The following SPATA13 variants were observed in gnomAD, a reference collection of about 807,000 sequenced individuals.
The protein encoded by SPATA13 is spermatogenesis associated 13, also known as spermatogenesis-associated protein 13.
Under a neutral mutation model 104.0 loss-of-function variants are expected in SPATA13, and 50 were observed. The ratio of observed to expected loss-of-function variants is 0.48; its 90% CI spans 0.38 to 0.61. SPATA13 has a LOEUF of 0.61. Among genes scored for constraint, SPATA13 ranks in the 20% least tolerant of loss-of-function variants. SPATA13 has a pLI of 0.00. For missense variants in SPATA13, 1,524 were observed against 1,690.6 expected (o/e 0.90, Z 1.73); for synonymous variants, 606 against 667.5 (o/e 0.91, Z 1.42).
chr13:24,304,795 A>G lies in SPATA13; in HGVS notation c.*2022A>G, dbSNP rs1877468438. ...CATGCCGCTCGGCACGTCCTGAGAC[A>G]GAAGTTGCTGCAGGAAGGAGCTTCT... On this transcript the variant is annotated 3_prime_UTR_variant, in exon 13 of 13. Coordinates refer to ENST00000382108, the MANE Select transcript of SPATA13 (RefSeq NM_001166271.3). 6.6e-6 allele frequency: 1 copy of G among 152,280 alleles called. No homozygotes were observed. Among genetic ancestry groups the G allele is most frequent in the Non-Finnish European group, 1.5e-5 (1 of 68,070 alleles). 9.4% of individuals were successfully genotyped at this position (152,280 alleles called of 1,614,324 possible).
intron 4 of SPATA13, chr13:24,270,666 C>T (rs41287018): frequency 0.027 from 36,509 of 1,347,668 alleles, 606 homozygotes; most frequent in Non-Finnish European, 0.031. Context: ...CTTGGTCACA[C>T]GGAGTGTGGA....
At position 24,305,199 on chromosome 13, in the gene SPATA13, A is replaced by C. The variant is rs971202808; in HGVS notation, c.*2426A>C. The C allele has an allele frequency of 6.6e-6, 1 of 152,158 alleles. No homozygotes were observed. Among genetic ancestry groups the C allele is most frequent in the Non-Finnish European group, 1.5e-5 (1 of 68,034 alleles). The allele number at this position is 152,158 out of a possible 1,614,324, so 9.4% of individuals were successfully genotyped here. A position where few individuals can be genotyped will look rare whatever the true frequency, so the allele number is the denominator to read the frequency against. ...AAGAAATGGTTTGCATTTTGTGGCC[A>C]GTCCTAATTTATTTTCCAGCTGAGC... On this transcript the variant is annotated 3_prime_UTR_variant, in exon 13 of 13. Transcript: ENST00000382108.
intron 2 of SPATA13, among the ~76,000 whole-genome samples, chr13:24,230,502 G>A (rs528566038): frequency 8.5e-5 from 13 of 152,276 alleles, no homozygotes; most frequent in South Asian, 4.1e-4. Flanking sequence ...CCAGGCTGGC[G>A]GGAAGAGTGT....
chr13:24,046,556 T>TTTTTTTTTTTTTTTTTTTTTTA (rs1312966281), intron 3 of SPATA13, among the ~76,000 whole-genome samples: 3 of 150,522 alleles, frequency 2.0e-5, no homozygotes, highest in African/African-American at 7.4e-5. Flanking sequence ...TGTACTCTTT[T>TTTTTTTTTTTTTTTTTTTTTTA]GTGTCTGGCC....
intron 1 of SPATA13, among the ~76,000 whole-genome samples, chr13:24,167,461 C>T (rs1465975711): frequency 6.6e-6 from 1 of 152,238 alleles, no homozygotes; most frequent in African/African-American, 2.4e-5. Flanking sequence ...CAACAGAGAA[C>T]ACGGGGCCCA....
At chr13:24,046,339 C>T (rs1275309510) in intron 3 of SPATA13, among the ~76,000 whole-genome samples, 1 of 149,872 alleles carries the variant, frequency 6.7e-6, no homozygotes, top group Non-Finnish European at 1.5e-5. Flanking sequence ...TGTCACCAGG[C>T]TGGAGTGCAG....
chr13:24,160,584 G>A (rs1157494180), upstream of SPATA13: 4 of 333,468 alleles, frequency 1.2e-5, no homozygotes, highest in Non-Finnish European at 1.7e-5. Context: ...GGCTGTGGTT[G>A]GTAGTGTGGG....
At chr13:24,124,300 A>G (rs927772868) in intron 3 of SPATA13, among the ~76,000 whole-genome samples, 3 of 152,230 alleles carry the variant, frequency 2.0e-5, no homozygotes, top group Non-Finnish European at 4.4e-5. Flanking sequence ...TTCATTTCTC[A>G]TCTATAAGAT....
intron 3 of SPATA13, chr13:24,122,683 CTG>C (rs1881075732): frequency 1.0e-6 from 1 of 998,316 alleles, no homozygotes; most frequent in African/African-American, 1.6e-5. Flanking sequence ...AGAAGTGTGT[CTG>C]TATCAACTGT....
chr13:24,280,985 C>T (rs935290608), intron 4 of SPATA13, among the ~76,000 whole-genome samples: 22 of 152,174 alleles, frequency 1.4e-4, no homozygotes, highest in Non-Finnish European at 1.9e-4. Context: ...CTGGCTTTCT[C>T]AAGGCCTCCA....
intron 3 of SPATA13, among the ~76,000 whole-genome samples, chr13:24,073,388 T>C (rs537860119): frequency 6.6e-6 from 1 of 152,384 alleles, no homozygotes; most frequent in South Asian, 2.1e-4. Context: ...TTGTTACTTG[T>C]TTTCTATTTG....
At chr13:24,120,610 G>C (rs1207257906) in intron 3 of SPATA13, among the ~76,000 whole-genome samples, 1 of 152,176 alleles carries the variant, frequency 6.6e-6, no homozygotes. Context: ...TGTGAAAAGG[G>C]GGGACAGTAG....
chr13:23,984,461 C>T (rs1451487405), intron 2 of SPATA13, among the ~76,000 whole-genome samples: 1 of 152,170 alleles, frequency 6.6e-6, no homozygotes, highest in Non-Finnish European at 1.5e-5. Flanking sequence ...GAATAGAAAC[C>T]GTGTGCATTG....
intron 2 of SPATA13, among the ~76,000 whole-genome samples, chr13:24,016,966 T>G (rs901344290): frequency 1.8e-4 from 27 of 152,176 alleles, no homozygotes; most frequent in African/African-American, 6.0e-4. Flanking sequence ...CCATGGAGGG[T>G]GTGATGAACA....
intron 3 of SPATA13, among the ~76,000 whole-genome samples, chr13:24,155,464 T>G (rs1256406553): frequency 1.3e-5 from 2 of 152,060 alleles, no homozygotes; most frequent in Non-Finnish European, 1.5e-5. Context: ...TCTGGTAAAG[T>G]GGTCTGCATC....
chr13:24,005,337 G>A (rs1324715857), intron 2 of SPATA13, among the ~76,000 whole-genome samples: 2 of 152,208 alleles, frequency 1.3e-5, no homozygotes, highest in Admixed American at 1.3e-4. Context: ...TTAGAGGCGA[G>A]AATTGGAGAT....
intron 1 of SPATA13, among the ~76,000 whole-genome samples, chr13:24,203,461 T>C (rs990492439): frequency 6.6e-6 from 1 of 152,174 alleles, no homozygotes; most frequent in Admixed American, 6.5e-5. Flanking sequence ...GTAAAGTCTG[T>C]TTTTGTGACT....
intron 3 of SPATA13, chr13:24,033,475 C>T (rs1466276155): frequency 1.3e-5 from 2 of 152,214 alleles, no homozygotes; most frequent in Non-Finnish European, 2.9e-5. Context: ...CTGGTACCTT[C>T]CCCCACCCAG....
At chr13:24,187,327 CT>C (rs1869212628) in intron 1 of SPATA13, among the ~76,000 whole-genome samples, 1 of 152,152 alleles carries the variant, frequency 6.6e-6, no homozygotes, top group South Asian at 2.1e-4. Context: ...TGTCTGGCCT[CT>C]TTTCTGAGTA....
Sources: gnomAD v4.1 joint callset for allele counts (sites outside exome capture counted in the v4.1 genomes callset) on GRCh38, gnomAD v4.1.1 for gene constraint, MANE v1.5 for transcripts, NCBI Gene and HGNC (gene_info 2026-07-23, HGNC 2026-07-21) for gene names.